Variants in ABCF3 observed in about 807,000 individuals in gnomAD.
ABCF3 encodes the protein ATP-binding cassette sub-family F member 3.
A neutral mutation model predicts 94.3 loss-of-function variants in ABCF3; 62 were observed. That is an observed-to-expected ratio of 0.66 (90% CI 0.54 to 0.81). ABCF3 has a LOEUF of 0.81. Ranked by LOEUF, ABCF3 falls within the 40% of genes least tolerant of loss-of-function variation. ABCF3 has a pLI of 0.00. For synonymous variants in ABCF3, 355 were observed against 361.1 expected (o/e 0.98, Z 0.19); for missense variants, 843 against 925.3 (o/e 0.91, Z 1.15).
chr3:184,191,110 C>G lies in ABCF3; in HGVS notation c.1437-13C>G, dbSNP rs370603842. ...TCCAGCTGCCCCCACATCCTCACCC[C>G]TACCTCCTGCAGGTTCCCTGATGGG... On this transcript the variant is annotated splice_polypyrimidine_tract_variant and intron_variant, in intron 15 of 20. Transcript: ENST00000429586. 5.4e-5 allele frequency: 87 copies of G among 1,614,106 alleles called. No individual in the cohort carries two copies. The highest frequency in any genetic ancestry group is 7.3e-5 in the Non-Finnish European group (86 of 1,180,056).
chr3:184,191,749 C>CTT (rs375009324), intron 16 of ABCF3, among the ~76,000 whole-genome samples: 5 of 114,716 alleles, frequency 4.4e-5, no homozygotes, highest in Admixed American at 1.8e-4. Context: ...GTTAGAGTTC[C>CTT]TTTTTTTTTT....
intron 14 of ABCF3, chr3:184,190,634 T>A (rs1715960711): frequency 5.4e-6 from 1 of 186,604 alleles, no homozygotes; most frequent in Admixed American, 5.5e-5. Flanking sequence ...GCCATCCTAG[T>A]GGCTGTGAAG....
At chr3:184,189,995 C>T (rs1014239376) in intron 14 of ABCF3, 64 bp downstream of exon 14, 33 of 1,558,802 alleles carry the variant, frequency 2.1e-5, no homozygotes, top group Admixed American at 6.8e-5. Flanking sequence ...CGCATTTGCA[C>T]GCCACCCTTG....
chr3:184,187,018 A>C (rs1715671398), intron 3 of ABCF3, 143 bp downstream of exon 3: 2 of 872,236 alleles, frequency 2.3e-6, no homozygotes, highest in Admixed American at 2.9e-5. Context: ...CCGAGGGCAG[A>C]AGAGCCCATG....
intron 13 of ABCF3, 33 bp downstream of exon 13, chr3:184,189,790 C>G (rs570470724): frequency 2.5e-6 from 4 of 1,614,004 alleles, no homozygotes; most frequent in African/African-American, 2.7e-5. Context: ...GGGTCCCATC[C>G]CAGGGGTTCC....
intron 14 of ABCF3, 196 bp downstream of exon 14, chr3:184,190,127 A>C: frequency 1.6e-6 from 1 of 608,074 alleles, no homozygotes; most frequent in Admixed American, 2.9e-5. Flanking sequence ...GCAACCACTA[A>C]TTTACTTTCT....
In ABCF3 at chr3:184,188,304, G is replaced by A; in HGVS notation, c.733G>A (p.Gly245Arg). The change falls in exon 7 of 21, where the codon GGA (glycine) becomes AGA (arginine). Residue 245 changes from glycine (G) to arginine (R), a missense_variant. Coordinates refer to ENST00000429586, the MANE Select transcript of ABCF3 (RefSeq NM_018358.3). ...GCTGCACGTTGAGCAAGAGGTTGCT[G>A]GAGATGACACTCCTGCCCTGCAGAG... The part of the protein sequence containing the change: ...SLLHVEQEVA[G>R]DDTPALQSVL... 6.2e-7 allele frequency: 1 copy of A among 1,614,138 alleles called. No individual in the cohort carries two copies. The highest frequency in any genetic ancestry group is 8.5e-7 in the Non-Finnish European group (1 of 1,180,036).
Position 184,189,260 on chromosome 3 carries a change from A to C in ABCF3, c.1040A>C (p.Asp347Ala). The change falls in exon 11 of 21, where the codon GAT (aspartate) becomes GCT (alanine). Residue 347 changes from aspartate to alanine, a missense_variant. Transcript: ENST00000429586. Reference protein sequence around the residue: ...ALARALFARPDLLLLDEPTNM... With the variant: ...ALARALFARPALLLLDEPTNM... ...CCATGTATTGTTTTTCATAGGCCAG[A>C]TCTTCTGCTGTTAGATGGTGAGTTT... 6.2e-7 allele frequency: 1 copy of C among 1,614,102 alleles called. No homozygotes were observed. The highest frequency in any genetic ancestry group is 8.5e-7 in the Non-Finnish European group (1 of 1,180,018).
At position 184,192,630 on chromosome 3, in the gene ABCF3, CA is replaced by C; in HGVS notation, c.1600del (p.Met534CysfsTer2). ...VGENGAGKST[M>X]LKLLLGDLAP... The stretch of plus-strand genomic sequence containing the variant: ...GAGAGAATGGGGCTGGGAAGTCTAC[CA>C]TGCTGAAGCTGCTTTTGGGGGACCT... On this transcript the variant is annotated frameshift_variant, in exon 17 of 21. Transcript: ENST00000429586. LOFTEE classifies it high-confidence loss of function. 1 of 1,610,894 alleles carries C rather than the reference CA, an allele frequency of 6.2e-7. No individual in the cohort carries two copies.
rs150309219 is a variant in ABCF3, at chr3:184,186,535, C to G, written c.102C>G (p.Phe34Leu). The G allele has an allele frequency of 1.2e-6, 2 of 1,613,272 alleles. No individual in the cohort carries two copies. The highest frequency in any genetic ancestry group is 1.7e-6 in the Non-Finnish European group (2 of 1,179,560). ...TGVLHSGSAD[F>L]ESVDDLVEAV... ...TCTTGCACAGCGGCAGCGCGGACTT[C>G]GAGTCTGTGGATGACCTGGTGGAAG... The change falls in exon 2 of 21, where the codon TTC becomes TTG. Residue 34 changes from phenylalanine to leucine, a missense_variant. Transcript: ENST00000429586.
chr3:184,189,336 TC>T, intron 11 of ABCF3, 51 bp from the exon 12 acceptor site: 1 of 1,614,130 alleles, frequency 6.2e-7, no homozygotes. Context: ...GCATCCAAGT[TC>T]CTAGTTCTCC....
intron 1 of ABCF3, 84 bp downstream of exon 1, chr3:184,186,364 TG>T: frequency 3.1e-6 from 5 of 1,599,346 alleles, no homozygotes; most frequent in Non-Finnish European, 4.3e-6. Flanking sequence ...CCGGGACTGT[TG>T]CCAGGCCTCT....
At chr3:184,189,780 G>A in intron 13 of ABCF3, 23 bp downstream of exon 13, 11 of 1,613,992 alleles carry the variant, frequency 6.8e-6, no homozygotes, top group Non-Finnish European at 9.3e-6. Flanking sequence ...GCAGGGCTGG[G>A]GGTCCCATCC....
In ABCF3 at chr3:184,192,630, C is replaced by G; in HGVS notation, c.1599C>G (p.Thr533=). The G allele has an allele frequency of 6.2e-7, 1 of 1,610,894 alleles. No individual in the cohort carries two copies. The highest frequency in any genetic ancestry group is 8.5e-7 in the Non-Finnish European group (1 of 1,179,356). Residue 533 remains threonine (T), a synonymous_variant, in exon 17 of 21, where the codon ACC becomes ACG. Coordinates refer to ENST00000429586, the MANE Select transcript of ABCF3 (RefSeq NM_018358.3). ...GAGAGAATGGGGCTGGGAAGTCTACCATGCTGAAGCTGCTTTTGGGGGACC... is the reference window on the plus strand; with the variant it reads ...GAGAGAATGGGGCTGGGAAGTCTACGATGCTGAAGCTGCTTTTGGGGGACC... The part of the protein sequence containing the change: ...VVGENGAGKS[T]MLKLLLGDLA...
At position 184,191,246 on chromosome 3, in the gene ABCF3, C is replaced by T; in HGVS notation, c.1560C>T (p.Arg520=). ...CTGTGTCTGCTGATCTCGAGTCTCGCATCTGTGTGGTAAGGCTGCTGTTTC... is the reference window on the plus strand; with the variant it reads ...CTGTGTCTGCTGATCTCGAGTCTCGTATCTGTGTGGTAAGGCTGCTGTTTC... ...RLSVSADLES[R]ICVVGENGAG... is the part of the protein sequence containing the mutation. Residue 520 remains arginine, a synonymous_variant, in exon 16 of 21, where the codon CGC becomes CGT. Transcript: ENST00000429586. 2 of 1,614,170 alleles carry T rather than the reference C, an allele frequency of 1.2e-6. No individual in the cohort carries two copies. The highest frequency in any genetic ancestry group is 1.7e-6 in the Non-Finnish European group (2 of 1,180,038).
At chr3:184,188,086 C>T (rs1715757647) in intron 6 of ABCF3, 55 bp from the exon 7 acceptor site, 24 of 1,610,660 alleles carry the variant, frequency 1.5e-5, no homozygotes, top group Non-Finnish European at 2.0e-5. Flanking sequence ...TGTCATTAAA[C>T]TTGCTGTGCA....
At chr3:184,192,084 C>G in intron 16 of ABCF3, among the ~76,000 whole-genome samples, 1 of 152,104 alleles carries the variant, frequency 6.6e-6, no homozygotes, top group Non-Finnish European at 1.5e-5. Flanking sequence ...TTGAAGGAGT[C>G]ATCGGGACTG....
rs952023121 is a variant in ABCF3, at chr3:184,187,193, T to A, written c.302-204T>A. ...TTGGTTATCTGTCCCCAGCCTTGTC[T>A]ATGCCTCTGTATCCTTCTACGTGAG... On this transcript the variant is annotated intron_variant, in intron 3 of 20. Coordinates refer to ENST00000429586, the MANE Select transcript of ABCF3 (RefSeq NM_018358.3). 5.8e-6 allele frequency: 4 copies of A among 691,002 alleles called. 1 individual carries two copies. The Admixed American group carries it at 7.0e-5, about 12-fold the overall frequency. 42.8% of individuals were successfully genotyped at this position (691,002 alleles called of 1,614,324 possible). A position where few individuals can be genotyped will look rare whatever the true frequency, so the allele number is the denominator to read the frequency against.
Position 184,189,284 on chromosome 3 carries a change from T to C in ABCF3, c.1057+7T>C, listed in dbSNP as rs1238255087. On this transcript the variant is annotated splice_region_variant and intron_variant, in intron 11 of 20. Coordinates refer to ENST00000429586, the MANE Select transcript of ABCF3 (RefSeq NM_018358.3). Reference sequence around the variant, plus strand: ...GATCTTCTGCTGTTAGATGGTGAGTTTGAAATGGGGCACCCTGACTTTAGG... The same window carrying C: ...GATCTTCTGCTGTTAGATGGTGAGTCTGAAATGGGGCACCCTGACTTTAGG... 1.9e-6 allele frequency: 3 copies of C among 1,614,036 alleles called. No individual in the cohort carries two copies. The highest frequency in any genetic ancestry group is 4.5e-5 in the East Asian group (2 of 44,888).
Sources: allele counts gnomAD v4.1 joint callset (sites outside exome capture counted in the v4.1 genomes callset), GRCh38; gene constraint gnomAD v4.1.1; transcripts MANE v1.5; gene names NCBI Gene and HGNC (gene_info 2026-07-23, HGNC 2026-07-21).